Variants in KATNAL2 observed in about 807,000 individuals in gnomAD.
The protein encoded by KATNAL2 is katanin catalytic subunit A1 like 2, also known as katanin p60 ATPase-containing subunit A-like 2.
In KATNAL2, 52 loss-of-function variants were observed where a neutral mutation model predicts 76.3. The observed-to-expected ratio is 0.68, with a 90% CI of 0.55 to 0.86. KATNAL2 has a LOEUF of 0.86. Ranked by LOEUF, KATNAL2 falls within the 40% of genes least tolerant of loss-of-function variation. The pLI is 0.00. For missense variants in KATNAL2, 660 were observed against 668.9 expected (o/e 0.99, Z 0.15); for synonymous variants, 243 against 244.2 (o/e 1.00, Z 0.05).
chr18:47,068,404 A>G (rs1020263333), intron 11 of KATNAL2, among the ~76,000 whole-genome samples: 4 of 152,224 alleles, frequency 2.6e-5, no homozygotes, highest in African/African-American at 9.6e-5. Context: ...CTTAAGGGTA[A>G]GAAATACACT....
At chr18:46,938,900 T>C (rs1282558990) in intron 1 of KATNAL2, among the ~76,000 whole-genome samples, 2 of 152,110 alleles carry the variant, frequency 1.3e-5, no homozygotes, top group Non-Finnish European at 1.5e-5. Context: ...CCTCAAATTA[T>C]ATTAATACAT....
At chr18:47,050,592 C>T (rs370833681) in intron 4 of KATNAL2, among the ~76,000 whole-genome samples, 2 of 152,148 alleles carry the variant, frequency 1.3e-5, no homozygotes, top group Non-Finnish European at 2.9e-5. Flanking sequence ...CTCTTTGTAT[C>T]GTGAATCAAT....
At chr18:47,047,892 A>G (rs1053873771) in intron 4 of KATNAL2, among the ~76,000 whole-genome samples, 6 of 152,134 alleles carry the variant, frequency 3.9e-5, no homozygotes, top group Non-Finnish European at 8.8e-5. Context: ...AATTGTTTTT[A>G]GAGACAGGAT....
chr18:47,051,315 A>T (rs1569082444), intron 4 of KATNAL2, among the ~76,000 whole-genome samples: 3 of 151,990 alleles, frequency 2.0e-5, no homozygotes, highest in Admixed American at 1.3e-4. Context: ...CCTGTAGTCC[A>T]AGCTACTTGA....
intron 15 of KATNAL2, among the ~76,000 whole-genome samples, chr18:47,088,540 G>C (rs780606053): frequency 2.0e-5 from 3 of 152,018 alleles, no homozygotes; most frequent in Non-Finnish European, 2.9e-5. Context: ...ATTTATAATG[G>C]TTTATTATGT....
intron 15 of KATNAL2, among the ~76,000 whole-genome samples, chr18:47,080,975 C>T (rs1256158628): frequency 6.6e-6 from 1 of 150,578 alleles, no homozygotes; most frequent in Non-Finnish European, 1.5e-5. Context: ...ATTCTGTAGC[C>T]CTTCCTTCCT....
At chr18:46,938,284 A>G (rs1297673167) in intron 1 of KATNAL2, among the ~76,000 whole-genome samples, 1 of 152,206 alleles carries the variant, frequency 6.6e-6, no homozygotes, top group Admixed American at 6.5e-5. Context: ...CATATGTGAT[A>G]AAAATTCAAA....
intron 1 of KATNAL2, among the ~76,000 whole-genome samples, chr18:46,930,024 G>A (rs1030332860): frequency 2.6e-5 from 4 of 151,838 alleles, no homozygotes; most frequent in South Asian, 4.2e-4. Flanking sequence ...ATCCGCCCTC[G>A]TCGACCCCCA....
chr18:47,099,003 CTCTT>C (rs2063363786), intron 15 of KATNAL2: 2 of 371,988 alleles, frequency 5.4e-6, no homozygotes, highest in Non-Finnish European at 9.6e-6. Context: ...TTCCTTCCTT[CTCTT>C]TCTTCTCCTT....
intron 15 of KATNAL2, among the ~76,000 whole-genome samples, chr18:47,078,418 G>A (rs1173210650): frequency 1.3e-5 from 2 of 152,044 alleles, no homozygotes; most frequent in Non-Finnish European, 2.9e-5. Context: ...CTTGAATCTA[G>A]AATACTTTCT....
At chr18:47,057,439 A>G (rs928579003) in intron 6 of KATNAL2, among the ~76,000 whole-genome samples, 7 of 152,182 alleles carry the variant, frequency 4.6e-5, no homozygotes, top group African/African-American at 7.2e-5. Context: ...CTTTCTATGG[A>G]TATATAACAT....
intron 1 of KATNAL2, among the ~76,000 whole-genome samples, chr18:46,942,159 T>C (rs1356763760): frequency 6.6e-6 from 1 of 151,612 alleles, no homozygotes; most frequent in Non-Finnish European, 1.5e-5. Context: ...TACTGACATA[T>C]TCTTTGAAAA....
At chr18:47,038,823 A>G (rs2060866258) in intron 3 of KATNAL2, among the ~76,000 whole-genome samples, 1 of 152,240 alleles carries the variant, frequency 6.6e-6, no homozygotes, top group Non-Finnish European at 1.5e-5. Context: ...GCAAATTATT[A>G]TAAAACCCAC....
intron 3 of KATNAL2, among the ~76,000 whole-genome samples, chr18:46,948,351 A>G (rs1346074158): frequency 2.0e-5 from 3 of 150,584 alleles, no homozygotes; most frequent in African/African-American, 7.3e-5. Flanking sequence ...AGCTCAGGCA[A>G]TCTTCCCCCC....
intron 3 of KATNAL2, chr18:47,032,766 T>C (rs952618114): frequency 1.5e-6 from 1 of 674,528 alleles, no homozygotes; most frequent in East Asian, 2.8e-5. Flanking sequence ...AAAATAGAAT[T>C]GTTCCCAATG....
At chr18:46,944,115 G>A (rs1398567636) in intron 1 of KATNAL2, among the ~76,000 whole-genome samples, 1 of 152,190 alleles carries the variant, frequency 6.6e-6, no homozygotes, top group Non-Finnish European at 1.5e-5. Context: ...TATGGCCAGA[G>A]GAAGAAGCTC....
At chr18:47,049,536 T>C (rs1311796569) in intron 4 of KATNAL2, among the ~76,000 whole-genome samples, 1 of 152,106 alleles carries the variant, frequency 6.6e-6, no homozygotes, top group Middle Eastern at 3.2e-3. Flanking sequence ...TATTAATAGG[T>C]GTTAAAGAGT....
In KATNAL2 at chr18:47,101,203, G is replaced by GAGTTTC. The variant is rs2063433881; in HGVS notation, c.*200_*201insTTTCAG. On this transcript the variant is annotated 3_prime_UTR_variant, in exon 18 of 18. Coordinates refer to ENST00000683218, the MANE Select transcript of KATNAL2 (RefSeq NM_001387690.1). Reference sequence around the variant, plus strand: ...CCATTATCGATGTCAGCAAAATATTGAGAGTTTCAGTTACATACATATATG... The same window carrying GAGTTTC: ...CCATTATCGATGTCAGCAAAATATTGAGTTTCAGAGTTTCAGTTACATACATATATG... 5.2e-6 allele frequency: 3 copies of GAGTTTC among 577,454 alleles called. No homozygotes were observed. In the East Asian group the frequency reaches 8.9e-5, roughly 17 times the overall value. The allele number at this position is 577,454 out of a possible 1,614,324, so 35.8% of individuals were successfully genotyped here. A position where few individuals can be genotyped will look rare whatever the true frequency, so the allele number is the denominator to read the frequency against.
intron 3 of KATNAL2, among the ~76,000 whole-genome samples, chr18:46,948,397 C>A (rs1381678956): frequency 6.6e-6 from 1 of 151,626 alleles, no homozygotes; most frequent in African/African-American, 2.4e-5. Flanking sequence ...CAGGCATGAA[C>A]CAACATGCCT....
Sources: allele counts gnomAD v4.1 joint callset (sites outside exome capture counted in the v4.1 genomes callset), GRCh38; gene constraint gnomAD v4.1.1; transcripts MANE v1.5; gene names NCBI Gene and HGNC (gene_info 2026-07-23, HGNC 2026-07-21).